Variants in TTC28 observed in about 807,000 individuals in gnomAD.
TTC28 encodes the protein tetratricopeptide repeat protein 28.
A neutral mutation model predicts 198.0 loss-of-function variants in TTC28; 61 were observed. The ratio of observed to expected loss-of-function variants is 0.31; its 90% CI spans 0.25 to 0.38. The LOEUF is 0.38. TTC28 is among the 10% of genes least tolerant of loss of function. The probability of loss-of-function intolerance (pLI) is 1.00; values close to 1 mark genes in which losing one functional copy is unlikely to be tolerated. For synonymous variants in TTC28, 1,171 were observed against 1,297.8 expected (o/e 0.90, Z 2.10); for missense variants, 2,678 against 3,164.0 (o/e 0.85, Z 3.69).
At chr22:28,234,921 A>T (rs1929117388) in intron 5 of TTC28, among the ~76,000 whole-genome samples, 1 of 152,252 alleles carries the variant, frequency 6.6e-6, no homozygotes, top group Admixed American at 6.5e-5. Flanking sequence ...ACTGATAGAC[A>T]ACCAGCTAAT....
At chr22:28,567,437 AC>A (rs1176076540) in intron 2 of TTC28, among the ~76,000 whole-genome samples, 10 of 141,128 alleles carry the variant, frequency 7.1e-5, no homozygotes, top group Non-Finnish European at 1.1e-4. Flanking sequence ...ATATATACAC[AC>A]ATATACATAC....
chr22:28,543,426 GGAGGAGGAA>G (rs979482367), intron 2 of TTC28, among the ~76,000 whole-genome samples: 64 of 150,424 alleles, frequency 4.3e-4, no homozygotes, highest in South Asian at 1.3e-3. Flanking sequence ...AGAAGAGGGA[GGAGGAGGAA>G]GAGGAGGAAG....
chr22:28,454,006 T>G (rs536924868), intron 2 of TTC28, among the ~76,000 whole-genome samples: 3 of 152,340 alleles, frequency 2.0e-5, no homozygotes, highest in Non-Finnish European at 4.4e-5. Context: ...TTCTTATGCT[T>G]CCTTTATGAC....
intron 5 of TTC28, among the ~76,000 whole-genome samples, chr22:28,234,625 C>T (rs1370329462): frequency 2.0e-5 from 3 of 151,530 alleles, no homozygotes; most frequent in Non-Finnish European, 4.4e-5. Flanking sequence ...CACCCACCTC[C>T]GGCTCCCAAA....
intron 21 of TTC28, among the ~76,000 whole-genome samples, chr22:27,988,931 AGTAGAGT>A (rs1165018113): frequency 6.6e-6 from 1 of 152,180 alleles, no homozygotes; most frequent in Non-Finnish European, 1.5e-5. Flanking sequence ...GTGTTCTCCC[AGTAGAGT>A]GCAAGCTCTA....
intron 2 of TTC28, among the ~76,000 whole-genome samples, chr22:28,439,239 G>A (rs2047574904): frequency 1.3e-5 from 2 of 152,174 alleles, no homozygotes; most frequent in Non-Finnish European, 2.9e-5. Flanking sequence ...TGCACAAGGA[G>A]ACCAAAAGAT....
At chr22:27,986,656 A>G (rs2047973467) in intron 21 of TTC28, among the ~76,000 whole-genome samples, 1 of 152,198 alleles carries the variant, frequency 6.6e-6, no homozygotes, top group South Asian at 2.1e-4. Context: ...TGTTACTGTC[A>G]GCATGCTATG....
At chr22:28,603,375 CTT>C (rs538025629) in intron 2 of TTC28, among the ~76,000 whole-genome samples, 2 of 146,896 alleles carry the variant, frequency 1.4e-5, no homozygotes, top group Non-Finnish European at 1.5e-5. Flanking sequence ...AATTTTCTTT[CTT>C]TTTTTTTTTG....
intron 2 of TTC28, among the ~76,000 whole-genome samples, chr22:28,470,673 G>A (rs2048085832): frequency 6.6e-6 from 1 of 152,098 alleles, no homozygotes. Flanking sequence ...ACAAAATAAT[G>A]TAAGAAAAAC....
At chr22:28,615,006 GA>G (rs2050878356) in intron 2 of TTC28, among the ~76,000 whole-genome samples, 1 of 151,940 alleles carries the variant, frequency 6.6e-6, no homozygotes, top group South Asian at 2.1e-4. Flanking sequence ...GAGTGAACAG[GA>G]AACCTACAGA....
chr22:28,416,059 G>A (rs968387283), intron 2 of TTC28, among the ~76,000 whole-genome samples: 7 of 152,056 alleles, frequency 4.6e-5, no homozygotes, highest in Non-Finnish European at 8.8e-5. Context: ...CCAACATTTC[G>A]ACATTAAAAT....
In TTC28 at chr22:28,629,730, G is replaced by A. The variant is rs1199130936; in HGVS notation, c.203C>T (p.Ala68Val). The A allele has an allele frequency of 7.1e-6, 11 of 1,551,682 alleles. No individual in the cohort carries two copies. Among genetic ancestry groups the A allele is most frequent in the Non-Finnish European group, 8.7e-6 (10 of 1,146,998 alleles). Reference protein sequence around the residue: ...FVEKVRQSNQACHDGDFHTAI... With the variant: ...FVEKVRQSNQVCHDGDFHTAI... ...TGTGTGGAAATCTCCATCATGACAG[G>A]CCTGATTACTCTGACGAACTTTCTC... is the stretch of plus-strand genomic sequence containing the variant. Residue 68 changes from alanine to valine, a missense_variant, in exon 2 of 23, where the codon GCC (alanine) becomes GTC (valine). Transcript: ENST00000397906.
intron 13 of TTC28, among the ~76,000 whole-genome samples, chr22:28,022,530 CCCT>C (rs1938652420): frequency 6.6e-6 from 1 of 152,222 alleles, no homozygotes; most frequent in Non-Finnish European, 1.5e-5. Flanking sequence ...TCAGGTGAGC[CCCT>C]CAACCCCTCT....
chr22:28,070,687 T>G (rs1940932414), intron 12 of TTC28, among the ~76,000 whole-genome samples: 2 of 152,160 alleles, frequency 1.3e-5, no homozygotes, highest in South Asian at 4.1e-4. Flanking sequence ...CTAAAAGAGA[T>G]AATTTAAAGT....
At chr22:28,395,120 G>A (rs2046794066) in intron 2 of TTC28, among the ~76,000 whole-genome samples, 1 of 152,148 alleles carries the variant, frequency 6.6e-6, no homozygotes, top group African/African-American at 2.4e-5. Context: ...TGTACTGTAT[G>A]TCTAACCAGG....
At chr22:28,531,159 GA>G (rs1367226312) in intron 2 of TTC28, among the ~76,000 whole-genome samples, 14 of 152,114 alleles carry the variant, frequency 9.2e-5, no homozygotes, top group African/African-American at 2.9e-4. Context: ...ATATTCAGGA[GA>G]CCCAGCTCAC....
intron 8 of TTC28, 23 bp from the exon 9 acceptor site, chr22:28,101,303 A>G: frequency 6.6e-7 from 1 of 1,524,070 alleles, no homozygotes; most frequent in South Asian, 1.2e-5. Flanking sequence ...AGAGAAATTT[A>G]AGGAAACATA....
intron 2 of TTC28, among the ~76,000 whole-genome samples, chr22:28,369,524 AC>A (rs2046298532): frequency 6.6e-6 from 1 of 152,108 alleles, no homozygotes; most frequent in South Asian, 2.1e-4. Context: ...AAATAGGAAG[AC>A]TCCTTTCTTC....
chr22:28,644,620 T>A (rs2051425213), intron 1 of TTC28, among the ~76,000 whole-genome samples: 1 of 149,896 alleles, frequency 6.7e-6, no homozygotes, highest in African/African-American at 2.5e-5. Flanking sequence ...AGCTCAGGAG[T>A]TCAAGACCAG....
Sources: allele counts gnomAD v4.1 joint callset (sites outside exome capture counted in the v4.1 genomes callset), GRCh38; gene constraint gnomAD v4.1.1; transcripts MANE v1.5; gene names NCBI Gene and HGNC (gene_info 2026-07-23, HGNC 2026-07-21).